The following RANBP2 variants were observed in gnomAD, a reference collection of about 807,000 sequenced individuals.
The protein encoded by RANBP2 is E3 SUMO-protein ligase RanBP2.
Under a neutral mutation model 303.6 loss-of-function variants are expected in RANBP2, and 57 were observed. That is an observed-to-expected ratio of 0.19 (90% CI 0.15 to 0.23). The LOEUF is 0.23. Ranked by LOEUF, RANBP2 falls within the 10% of genes least tolerant of loss-of-function variation. The probability of loss-of-function intolerance (pLI) is 1.00; values close to 1 mark genes in which losing one functional copy is unlikely to be tolerated. For missense variants in RANBP2, 3,138 were observed against 3,780.8 expected (o/e 0.83, Z 4.46); for synonymous variants, 1,167 against 1,301.5 (o/e 0.90, Z 2.23).
the RANBP2 span, chr2:108,906,158 A>G: frequency 1.3e-5 from 10 of 762,780 alleles, no homozygotes; most frequent in East Asian, 2.3e-4. Context: ...CCACACCTGA[A>G]ATAGTTTCCA....
the RANBP2 span, chr2:109,437,202 A>G: frequency 3.9e-6 from 6 of 1,542,760 alleles, no homozygotes; most frequent in Non-Finnish European, 5.3e-6. Flanking sequence ...TTCCTGGGAC[A>G]TGCTTGTGAG....
At chr2:109,457,088 C>A in the RANBP2 span, among the ~76,000 whole-genome samples, 1,324 of 152,294 alleles carry the variant, frequency 8.7e-3, 11 homozygotes, top group Non-Finnish European at 0.015. Context: ...CCTTCCATGC[C>A]TCAGTTTCCA....
At chr2:109,087,587 TG>T in the RANBP2 span, among the ~76,000 whole-genome samples, 1 of 152,328 alleles carries the variant, frequency 6.6e-6, no homozygotes, top group African/African-American at 2.4e-5. Flanking sequence ...CAGACAGTTT[TG>T]GGTTCAAGTC....
At chr2:109,453,075 C>T in the RANBP2 span, among the ~76,000 whole-genome samples, 2 of 152,162 alleles carry the variant, frequency 1.3e-5, no homozygotes, top group East Asian at 3.9e-4. Flanking sequence ...GAGCTCTGTT[C>T]CCTGCGTGGC....
the RANBP2 span, among the ~76,000 whole-genome samples, chr2:109,453,186 G>C: frequency 6.6e-6 from 1 of 152,124 alleles, no homozygotes; most frequent in Non-Finnish European, 1.5e-5. Flanking sequence ...TCTGGGCCCA[G>C]GCATCTGCCA....
the RANBP2 span, among the ~76,000 whole-genome samples, chr2:109,090,308 C>CCACACA: frequency 3.5e-3 from 467 of 132,828 alleles, 7 homozygotes; most frequent in African/African-American, 0.012. Flanking sequence ...GGACACCTCG[C>CCACACA]CTCACACACA....
chr2:108,838,243 T>G, the RANBP2 span, among the ~76,000 whole-genome samples: 1 of 152,108 alleles, frequency 6.6e-6, no homozygotes, highest in African/African-American at 2.4e-5. Context: ...TATCTAAGAA[T>G]TGGCTGGTCC....
the RANBP2 span, among the ~76,000 whole-genome samples, chr2:109,486,011 G>A: frequency 3.3e-5 from 5 of 152,240 alleles, no homozygotes; most frequent in Non-Finnish European, 7.3e-5. Flanking sequence ...CAGTGTGTGC[G>A]CTCCAGCCAG....
At chr2:109,099,256 G>A in the RANBP2 span, among the ~76,000 whole-genome samples, 8 of 152,218 alleles carry the variant, frequency 5.3e-5, no homozygotes, top group Non-Finnish European at 8.8e-5. Context: ...ACTCGATGCA[G>A]TAAACATTAA....
At chr2:109,459,533 A>G in the RANBP2 span, among the ~76,000 whole-genome samples, 6 of 152,120 alleles carry the variant, frequency 3.9e-5, no homozygotes, top group Admixed American at 6.5e-5. Context: ...AGAGCGTGCT[A>G]GGAGACACCC....
the RANBP2 span, among the ~76,000 whole-genome samples, chr2:109,522,827 C>G: frequency 6.6e-6 from 1 of 152,212 alleles, no homozygotes; most frequent in African/African-American, 2.4e-5. Flanking sequence ...TCAGCAGCAC[C>G]TGCCCAGGGT....
chr2:108,909,859 C>T, the RANBP2 span, among the ~76,000 whole-genome samples: 4 of 152,246 alleles, frequency 2.6e-5, no homozygotes, highest in African/African-American at 9.6e-5. Flanking sequence ...TCCTTGGGAG[C>T]CTGGACTCGG....
the RANBP2 span, among the ~76,000 whole-genome samples, chr2:108,960,602 A>C: frequency 6.6e-6 from 1 of 151,966 alleles, no homozygotes; most frequent in African/African-American, 2.4e-5. Context: ...AGGTTTTTAC[A>C]TTTTTTTTCA....
At chr2:108,910,753 T>C in the RANBP2 span, 6 of 1,611,860 alleles carry the variant, frequency 3.7e-6, no homozygotes, top group Non-Finnish European at 4.2e-6. Flanking sequence ...GCACATGGTG[T>C]GTGGAAGCCC....
the RANBP2 span, among the ~76,000 whole-genome samples, chr2:109,180,829 T>G: frequency 5.3e-5 from 8 of 152,154 alleles, no homozygotes; most frequent in Non-Finnish European, 8.8e-5. Context: ...ACTAATATAC[T>G]CAGTCAGCTA....
Position 108,763,706 on chromosome 2 carries a change from C to G in RANBP2, c.3167C>G (p.Pro1056Arg). The G allele has an allele frequency of 6.2e-7, 1 of 1,614,082 alleles. No homozygotes were observed. The highest frequency in any genetic ancestry group is 8.5e-7 in the Non-Finnish European group (1 of 1,179,972). Residue 1056 changes from proline (P) to arginine (R), a missense_variant, in exon 20 of 29, where the codon CCT (proline) becomes CGT (arginine). Pro to Arg is a moderately radical substitution (Grantham distance 103). Coordinates refer to ENST00000283195, the MANE Select transcript of RANBP2 (RefSeq NM_006267.5). ...FSSPQVVTQP[P>R]PAAYSNSESL... ...TCACCACAGGTTGTGACACAGCCCC[C>G]TCCTGCAGCTTACAGTAACAGTGAA...
the RANBP2 span, among the ~76,000 whole-genome samples, chr2:109,481,950 C>T: frequency 2.0e-5 from 3 of 152,182 alleles, no homozygotes; most frequent in Non-Finnish European, 4.4e-5. Flanking sequence ...TCTGTGCTCC[C>T]CTACAAAATG....
the RANBP2 span, among the ~76,000 whole-genome samples, chr2:108,912,340 T>C: frequency 6.6e-6 from 1 of 152,176 alleles, no homozygotes; most frequent in African/African-American, 2.4e-5. Flanking sequence ...AGTGATAGAA[T>C]TGCTGTTAAC....
chr2:109,070,222 G>T, the RANBP2 span, among the ~76,000 whole-genome samples: 33 of 152,196 alleles, frequency 2.2e-4, no homozygotes, highest in Non-Finnish European at 4.0e-4. Flanking sequence ...GGAGGGGCTG[G>T]ACCCTCTGGA....
Sources: allele counts gnomAD v4.1 joint callset (sites outside exome capture counted in the v4.1 genomes callset), GRCh38; gene constraint gnomAD v4.1.1; transcripts MANE v1.5; gene names NCBI Gene and HGNC (gene_info 2026-07-23, HGNC 2026-07-21).